SEMA3A: variants seen among roughly 807,000 people sequenced by gnomAD.
SEMA3A encodes the protein semaphorin-3A.
SEMA3A carries 29 observed loss-of-function variants against 97.9 expected under a neutral mutation model. The observed-to-expected ratio is 0.30, with a 90% CI of 0.22 to 0.40. The LOEUF is 0.40. SEMA3A is among the 10% of genes least tolerant of loss of function. SEMA3A has a pLI of 1.00. For missense variants in SEMA3A, 763 were observed against 951.3 expected, an observed-to-expected ratio of 0.80 and a Z score of 2.60; for synonymous variants, 321 against 323.7, an observed-to-expected ratio of 0.99 and a Z score of 0.09.
At chr7:84,158,940 A>G (rs1796938643) in intron 1 of SEMA3A, among the ~76,000 whole-genome samples, 1 of 152,138 alleles carries the variant, frequency 6.6e-6, no homozygotes, top group African/African-American at 2.4e-5. Flanking sequence ...CTGAATTTAT[A>G]TAATAGGTCA....
At chr7:84,476,848 T>C (rs911257831) in intron 1 of SEMA3A, among the ~76,000 whole-genome samples, 7 of 151,944 alleles carry the variant, frequency 4.6e-5, no homozygotes, top group Non-Finnish European at 2.9e-5. Context: ...GACTATTTCT[T>C]GTAACTTAGA....
At chr7:84,363,526 A>G (rs1002698243) in intron 2 of SEMA3A, among the ~76,000 whole-genome samples, 1 of 151,932 alleles carries the variant, frequency 6.6e-6, no homozygotes, top group African/African-American at 2.4e-5. Context: ...ATCTATACAG[A>G]TTTAATTGAC....
intron 3 of SEMA3A, among the ~76,000 whole-genome samples, chr7:84,235,624 A>C (rs1399697017): frequency 3.3e-5 from 5 of 151,972 alleles, no homozygotes; most frequent in Non-Finnish European, 5.9e-5. Context: ...TTAATTCTTA[A>C]TTCCTCTTCT....
At chr7:84,213,224 G>A (rs551724605) in intron 3 of SEMA3A, among the ~76,000 whole-genome samples, 8 of 152,246 alleles carry the variant, frequency 5.3e-5, no homozygotes, top group Middle Eastern at 3.4e-3. Context: ...TGATCCACCC[G>A]CCTCAGCCTC....
intron 1 of SEMA3A, among the ~76,000 whole-genome samples, chr7:84,446,704 T>G (rs568623195): frequency 6.6e-6 from 1 of 152,180 alleles, no homozygotes; most frequent in Non-Finnish European, 1.5e-5. Context: ...ATATCATAGT[T>G]GGTGAAAGAC....
At chr7:84,463,249 T>A in intron 1 of SEMA3A, among the ~76,000 whole-genome samples, 1 of 85,742 alleles carries the variant, frequency 1.2e-5, no homozygotes, top group African/African-American at 5.2e-5. Context: ...TTTTTTTTTT[T>A]TTTTTTTTTT....
chr7:84,420,197 A>T (rs1804550242), intron 1 of SEMA3A, among the ~76,000 whole-genome samples: 1 of 152,064 alleles, frequency 6.6e-6, no homozygotes. Flanking sequence ...GGAAAAAAAA[A>T]AAGTGACAGA....
intron 1 of SEMA3A, among the ~76,000 whole-genome samples, chr7:84,150,924 C>T (rs372746317): frequency 1.3e-5 from 2 of 149,110 alleles, no homozygotes; most frequent in African/African-American, 4.9e-5. Context: ...TCAAGTGGGT[C>T]CCTGACCCCT....
chr7:83,988,578 C>T (rs1019752843), intron 12 of SEMA3A, among the ~76,000 whole-genome samples: 3 of 152,052 alleles, frequency 2.0e-5, no homozygotes, highest in Non-Finnish European at 4.4e-5. Context: ...ATTTTCTTAA[C>T]AAATTTAAGA....
chr7:84,034,590 TACTTCTG>T (rs1363969147), intron 6 of SEMA3A, among the ~76,000 whole-genome samples: 1 of 152,184 alleles, frequency 6.6e-6, no homozygotes, highest in Non-Finnish European at 1.5e-5. Flanking sequence ...TTCAAATATT[TACTTCTG>T]TAAGACTGCC....
intron 1 of SEMA3A, among the ~76,000 whole-genome samples, chr7:84,468,014 A>T (rs967110865): frequency 3.3e-5 from 5 of 152,168 alleles, no homozygotes; most frequent in Admixed American, 3.3e-4. Context: ...TGAATAAGTG[A>T]TAGACTGTAC....
At chr7:84,005,583 C>CTT (rs1790633583) in intron 10 of SEMA3A, 25 bp from the exon 11 acceptor site, 1 of 1,450,188 alleles carries the variant, frequency 6.9e-7, no homozygotes, top group South Asian at 1.2e-5. Context: ...AGAAAATTAT[C>CTT]TTTTGATTAA....
At chr7:84,297,337 C>T (rs1356514242) in intron 3 of SEMA3A, among the ~76,000 whole-genome samples, 3 of 152,076 alleles carry the variant, frequency 2.0e-5, no homozygotes, top group Admixed American at 1.3e-4. Flanking sequence ...GTAATTTTAT[C>T]TGAACTTCTC....
At chr7:84,061,274 A>G (rs182920752) in intron 4 of SEMA3A, among the ~76,000 whole-genome samples, 262 of 152,326 alleles carry the variant, frequency 1.7e-3, no homozygotes, top group African/African-American at 3.7e-3. Flanking sequence ...AGAAACAGGA[A>G]TGAACTTTTG....
intron 3 of SEMA3A, among the ~76,000 whole-genome samples, chr7:84,127,271 A>G (rs1325369730): frequency 6.6e-6 from 1 of 151,848 alleles, no homozygotes; most frequent in African/African-American, 2.4e-5. Flanking sequence ...TTCCTGCCCC[A>G]CTGCCCTGCC....
chr7:84,091,197 AAAG>A (rs1170737606), intron 4 of SEMA3A, among the ~76,000 whole-genome samples: 1 of 78,898 alleles, frequency 1.3e-5, no homozygotes, highest in Non-Finnish European at 2.7e-5. Flanking sequence ...AGAAAGAAAG[AAAG>A]AAAGAAAGAA....
chr7:84,177,160 TGGA>T (rs1223656900), intron 1 of SEMA3A, among the ~76,000 whole-genome samples: 3 of 152,066 alleles, frequency 2.0e-5, no homozygotes, highest in Non-Finnish European at 4.4e-5. Context: ...CATAATCCAG[TGGA>T]ATGCCTTTAG....
At chr7:83,964,400 A>T (rs928818784) in intron 15 of SEMA3A, among the ~76,000 whole-genome samples, 1 of 152,220 alleles carries the variant, frequency 6.6e-6, no homozygotes, top group Non-Finnish European at 1.5e-5. Flanking sequence ...TAATTTAAAA[A>T]ATGTTTTCCC....
chr7:84,260,834 AG>A (rs555013777), intron 3 of SEMA3A, among the ~76,000 whole-genome samples: 113 of 152,276 alleles, frequency 7.4e-4, no homozygotes, highest in African/African-American at 2.6e-3. Flanking sequence ...AGATAGGCTT[AG>A]GGGCAGAAAG....
Sources: gnomAD v4.1 joint callset for allele counts (sites outside exome capture counted in the v4.1 genomes callset) on GRCh38, gnomAD v4.1.1 for gene constraint, MANE v1.5 for transcripts, NCBI Gene and HGNC (gene_info 2026-07-23, HGNC 2026-07-21) for gene names.